Variants in UBE2D2 observed in about 807,000 individuals in gnomAD.
The protein encoded by UBE2D2 is ubiquitin-conjugating enzyme E2 D2.
In UBE2D2, 2 loss-of-function variants were observed where a neutral mutation model predicts 24.2. That is an observed-to-expected ratio of 0.08 (90% CI 0.03 to 0.26). UBE2D2 has a LOEUF of 0.26. Among genes scored for constraint, UBE2D2 ranks in the 10% least tolerant of loss-of-function variants. The pLI is 1.00. For synonymous variants in UBE2D2, 58 were observed against 56.5 expected, an observed-to-expected ratio of 1.03 and a Z score of -0.12; for missense variants, 44 against 177.6, an observed-to-expected ratio of 0.25 and a Z score of 4.28.
intron 1 of UBE2D2, among the ~76,000 whole-genome samples, chr5:139,569,125 A>G (rs1239624883): frequency 2.0e-5 from 3 of 152,194 alleles, no homozygotes; most frequent in African/African-American, 7.2e-5. Context: ...GAATATGGCT[A>G]TTTAAATTAG....
At chr5:139,544,752 T>C (rs967474168) in intron 1 of UBE2D2, among the ~76,000 whole-genome samples, 7 of 151,836 alleles carry the variant, frequency 4.6e-5, no homozygotes, top group African/African-American at 1.7e-4. Context: ...ATTGAGACTT[T>C]CTGTAACCCA....
chr5:139,561,743 TCCCCGC>T lies in UBE2D2; in HGVS notation c.-43_-38del, dbSNP rs751774630. ...GCTCCCTAGCCCCTTCCCCGTCCCT[TCCCCGC>T]CCCCGTCCCCGCCCCGGGGGCCGCC... On this transcript the variant is annotated 5_prime_UTR_variant, in exon 1 of 7. Coordinates refer to ENST00000398733, the MANE Select transcript of UBE2D2 (RefSeq NM_003339.3). 5.9e-6 allele frequency: 8 copies of T among 1,349,552 alleles called. No individual in the cohort carries two copies. In the Admixed American group the frequency reaches 1.7e-4, roughly 28 times the overall value. The allele number at this position is 1,349,552 out of a possible 1,614,324, so 83.6% of individuals were successfully genotyped here. A position where few individuals can be genotyped will look rare whatever the true frequency, so the allele number is the denominator to read the frequency against.
At chr5:139,614,061 CAAAA>C (rs34610126) in intron 2 of UBE2D2, among the ~76,000 whole-genome samples, 1 of 89,210 alleles carries the variant, frequency 1.1e-5, no homozygotes. Flanking sequence ...GACTCTGTCT[CAAAA>C]AAAAAAAAAA....
intron 1 of UBE2D2, among the ~76,000 whole-genome samples, chr5:139,536,053 C>T (rs1441869132): frequency 5.3e-5 from 8 of 151,526 alleles, no homozygotes; most frequent in South Asian, 2.1e-4. Context: ...CCACCACACC[C>T]GGCTAAGTTT....
At position 139,608,018 on chromosome 5, in the gene UBE2D2, A is replaced by G. The variant is rs575518383; in HGVS notation, c.89-6568A>G. Among the ~76,000 whole-genome samples, 305 of 141,330 alleles carry G rather than the reference A, an allele frequency of 2.2e-3. 1 individual carries two copies. The highest frequency in any genetic ancestry group is 5.1e-3 in the African/African-American group (201 of 39,300). 92.7% of individuals were successfully genotyped at this position (141,330 alleles called of 152,430 possible). On this transcript the variant is annotated intron_variant, in intron 2 of 6. Transcript: ENST00000398733. ...GTAGAGTGAGACTCTGTCTCTTGGG[A>G]AAAAAAAAAAAAAACTTAAATATAC... is the stretch of plus-strand genomic sequence containing the variant.
chr5:139,599,312 C>T (rs1371971468), intron 1 of UBE2D2, among the ~76,000 whole-genome samples: 1 of 152,082 alleles, frequency 6.6e-6, no homozygotes, highest in Non-Finnish European at 1.5e-5. Context: ...ATCAACTTGT[C>T]AGATGGTCCA....
At chr5:139,534,460 GGAGGCT>G (rs1325451454) in intron 1 of UBE2D2, among the ~76,000 whole-genome samples, 2 of 152,042 alleles carry the variant, frequency 1.3e-5, no homozygotes, top group Non-Finnish European at 2.9e-5. Context: ...CAGCTACTCA[GGAGGCT>G]GAGGCAGGAG....
At chr5:139,616,340 A>T (rs926502273) in intron 5 of UBE2D2, among the ~76,000 whole-genome samples, 34 of 152,060 alleles carry the variant, frequency 2.2e-4, no homozygotes, top group Middle Eastern at 6.8e-3. Flanking sequence ...TCTCAAAAAC[A>T]AGAATATTTA....
chr5:139,528,340 A>AAAAAAAG (rs1752562405), intron 1 of UBE2D2, among the ~76,000 whole-genome samples: 1 of 152,186 alleles, frequency 6.6e-6, no homozygotes, highest in Non-Finnish European at 1.5e-5. Flanking sequence ...TCAACCAAAA[A>AAAAAAAG]AAAAAAGAAA....
chr5:139,533,657 AAAAAG>A (rs370279515), intron 1 of UBE2D2, among the ~76,000 whole-genome samples: 80 of 148,752 alleles, frequency 5.4e-4, no homozygotes, highest in African/African-American at 1.4e-3. Flanking sequence ...GTCTCAAAAA[AAAAAG>A]AAAAGAAAAG....
intron 1 of UBE2D2, among the ~76,000 whole-genome samples, chr5:139,548,487 T>G (rs1752867157): frequency 6.6e-6 from 1 of 151,812 alleles, no homozygotes; most frequent in African/African-American, 2.4e-5. Context: ...GGAAAAGGAG[T>G]GGTTGAGGCC....
At chr5:139,547,192 G>A (rs928840662) in intron 1 of UBE2D2, among the ~76,000 whole-genome samples, 19 of 151,880 alleles carry the variant, frequency 1.3e-4, no homozygotes, top group Non-Finnish European at 4.4e-5. Flanking sequence ...ACGGGAGGCT[G>A]AGGCAGGAGA....
At chr5:139,533,682 G>T (rs72790978) in intron 1 of UBE2D2, among the ~76,000 whole-genome samples, 1 of 151,636 alleles carries the variant, frequency 6.6e-6, no homozygotes, top group African/African-American at 2.4e-5. Flanking sequence ...GAAAAGAAAA[G>T]GATTGATAAA....
rs551851905 is a variant in UBE2D2, at chr5:139,548,307, C to T, written c.-64+21695C>T. On this transcript the variant is annotated intron_variant, in intron 1 of 6. Coordinates refer to the UBE2D2 transcript ENST00000511725. Reference sequence around the variant, plus strand: ...CTCATTCAAGTGTTCCTCGTTTTCCCACCTCCTCTATAAGATATAGAGGAA... The same window carrying T: ...CTCATTCAAGTGTTCCTCGTTTTCCTACCTCCTCTATAAGATATAGAGGAA... Among the ~76,000 whole-genome samples, 14 of 151,556 alleles carry T rather than the reference C, an allele frequency of 9.2e-5. No individual in the cohort carries two copies. The South Asian group carries it at 1.0e-3, about 11-fold the overall frequency.
At chr5:139,556,419 A>G (rs1399798506), upstream of UBE2D2, among the ~76,000 whole-genome samples, 2 of 152,122 alleles carry the variant, frequency 1.3e-5, no homozygotes, top group Admixed American at 1.3e-4. Flanking sequence ...AAAAATAAGT[A>G]AACAAATAAA....
intron 1 of UBE2D2, among the ~76,000 whole-genome samples, chr5:139,527,449 A>T (rs990297539): frequency 6.6e-6 from 1 of 152,244 alleles, no homozygotes; most frequent in Non-Finnish European, 1.5e-5. Flanking sequence ...TCACAAACTT[A>T]TAAGGTTTTC....
At chr5:139,530,061 A>C (rs554364402) in intron 1 of UBE2D2, among the ~76,000 whole-genome samples, 17 of 152,316 alleles carry the variant, frequency 1.1e-4, no homozygotes, top group Non-Finnish European at 1.0e-4. Flanking sequence ...AGAGAAGGAA[A>C]AGGATTCACT....
chr5:139,611,750 G>C (rs909265373), intron 2 of UBE2D2, among the ~76,000 whole-genome samples: 1 of 152,124 alleles, frequency 6.6e-6, no homozygotes, highest in Admixed American at 6.6e-5. Context: ...GCTGAAACTT[G>C]TTCACCGAAA....
chr5:139,622,873 C>T (rs1010556021), intron 5 of UBE2D2, among the ~76,000 whole-genome samples: 9 of 150,630 alleles, frequency 6.0e-5, no homozygotes, highest in East Asian at 4.0e-4. Flanking sequence ...CCAGTCTGGG[C>T]GACAGAGCCA....
Sources: allele counts gnomAD v4.1 joint callset (sites outside exome capture counted in the v4.1 genomes callset), GRCh38; gene constraint gnomAD v4.1.1; transcripts MANE v1.5; gene names NCBI Gene and HGNC (gene_info 2026-07-23, HGNC 2026-07-21).